Variants in PCDH15 observed in about 807,000 individuals in gnomAD.
PCDH15 encodes protocadherin related 15, also known as protocadherin-15.
Under a neutral mutation model 178.5 loss-of-function variants are expected in PCDH15, and 129 were observed. That is an observed-to-expected ratio of 0.72 (90% CI 0.63 to 0.84). The LOEUF (loss-of-function observed/expected upper bound fraction) is 0.84, where lower values mean the gene tolerates loss of function less well. PCDH15 is among the 40% of genes least tolerant of loss of function. The pLI is 0.00. For synonymous variants in PCDH15, 800 were observed against 732.0 expected, an observed-to-expected ratio of 1.09 and a Z score of -1.50; for missense variants, 2,230 against 2,099.9, an observed-to-expected ratio of 1.06 and a Z score of -1.21.
At chr10:54,320,575 T>C (rs1224752288) in intron 7 of PCDH15, among the ~76,000 whole-genome samples, 1 of 85,832 alleles carries the variant, frequency 1.2e-5, no homozygotes, top group Non-Finnish European at 2.9e-5. Flanking sequence ...CGTATGTGTA[T>C]ATTTTAAATT....
intron 14 of PCDH15, among the ~76,000 whole-genome samples, chr10:54,150,399 G>C (rs2044406324): frequency 6.6e-6 from 1 of 151,798 alleles, no homozygotes; most frequent in Non-Finnish European, 1.5e-5. Context: ...TGAGTTATCT[G>C]ACAAGTTTGA....
intron 3 of PCDH15, among the ~76,000 whole-genome samples, chr10:54,834,188 T>C (rs1427665341): frequency 6.6e-6 from 1 of 151,844 alleles, no homozygotes; most frequent in East Asian, 1.9e-4. Flanking sequence ...ATATTGTTTT[T>C]ACTACCTTTT....
At chr10:54,977,844 A>G (rs1442527650) in intron 2 of PCDH15, among the ~76,000 whole-genome samples, 2 of 152,204 alleles carry the variant, frequency 1.3e-5, no homozygotes, top group Non-Finnish European at 2.9e-5. Context: ...TGTATTTATC[A>G]TAAAGATATT....
In PCDH15 at chr10:53,995,686, G is replaced by C. The variant is rs770193187; in HGVS notation, c.2831C>G (p.Pro944Arg). The part of the protein sequence containing the change: ...MVAPDAVKGT[P>R]ITTVYAEDAD... Reference sequence around the variant, plus strand: ...ATCTTCAGCATAAACTGTTGTGATAGGTGTACCCTTGACTGCATCCGGAGC... The same window carrying C: ...ATCTTCAGCATAAACTGTTGTGATACGTGTACCCTTGACTGCATCCGGAGC... The change falls in exon 21 of 38, where the codon CCT becomes CGT. Residue 944 changes from proline (P) to arginine (R), a missense_variant. Physicochemically the swap from Pro to Arg is moderately radical, Grantham distance 103. Transcript: ENST00000644397. The C allele has an allele frequency of 7.4e-6, 12 of 1,613,776 alleles. No homozygotes were observed. The highest frequency in any genetic ancestry group is 9.3e-6 in the Non-Finnish European group (11 of 1,179,838).
At chr10:53,814,235 A>C (rs1486767049) in intron 35 of PCDH15, among the ~76,000 whole-genome samples, 1 of 152,190 alleles carries the variant, frequency 6.6e-6, no homozygotes, top group East Asian at 1.9e-4. Flanking sequence ...AGATACTGAG[A>C]AAATAACTTC....
At chr10:54,613,954 T>G (rs1468571358) in intron 2 of PCDH15, among the ~76,000 whole-genome samples, 2 of 151,924 alleles carry the variant, frequency 1.3e-5, no homozygotes, top group African/African-American at 4.8e-5. Flanking sequence ...AAATTTAAAA[T>G]TATATAGTTT....
chr10:55,071,494 CA>C (rs1564770597), intron 2 of PCDH15, among the ~76,000 whole-genome samples: 1 of 151,998 alleles, frequency 6.6e-6, no homozygotes, highest in African/African-American at 2.4e-5. Flanking sequence ...TAAAAAGAGA[CA>C]AAGAAGGCCA....
intron 3 of PCDH15, among the ~76,000 whole-genome samples, chr10:54,485,402 C>T (rs2079033440): frequency 1.3e-5 from 2 of 151,786 alleles, no homozygotes; most frequent in South Asian, 4.2e-4. Flanking sequence ...CAAAGTAAGG[C>T]CAAAGTTGGA....
intron 2 of PCDH15, among the ~76,000 whole-genome samples, chr10:55,024,314 A>AATAT (rs4007191): frequency 2.1e-4 from 30 of 141,930 alleles, no homozygotes; most frequent in East Asian, 8.1e-4. Context: ...TATGGGATGG[A>AATAT]ATATATATAT....
intron 8 of PCDH15, among the ~76,000 whole-genome samples, chr10:54,315,061 G>T (rs1415550757): frequency 1.3e-5 from 2 of 152,148 alleles, no homozygotes; most frequent in African/African-American, 4.8e-5. Flanking sequence ...CCAGTAATAG[G>T]ACTGCTGGAT....
rs565175697 is a variant in PCDH15 at position 55,570,924 on chromosome 10, G to A, written c.-156+56701C>T. Among the ~76,000 whole-genome samples, 4 of 152,100 alleles carry A rather than the reference G, an allele frequency of 2.6e-5. No individual in the cohort carries two copies. In the East Asian group the frequency reaches 7.7e-4, roughly 29 times the overall value. ...ATCATTACTTTTAGTTGTTCCCCATGTTAAAACTTTTTTAAGGCCACTATC... is the reference window on the plus strand; with the variant it reads ...ATCATTACTTTTAGTTGTTCCCCATATTAAAACTTTTTTAAGGCCACTATC... On this transcript the variant is annotated intron_variant, in intron 2 of 5. Coordinates refer to the PCDH15 transcript ENST00000613346.
chr10:55,609,942 C>T (rs561771286), intron 2 of PCDH15, among the ~76,000 whole-genome samples: 1 of 152,058 alleles, frequency 6.6e-6, no homozygotes, highest in South Asian at 2.1e-4. Context: ...TAATAAGGAG[C>T]AAACTGTCAT....
At chr10:54,609,654 A>G (rs781011017) in intron 2 of PCDH15, among the ~76,000 whole-genome samples, 12 of 152,000 alleles carry the variant, frequency 7.9e-5, no homozygotes, top group Non-Finnish European at 1.6e-4. Flanking sequence ...CAGGCTATTA[A>G]CATCCAGAAA....
chr10:53,886,877 G>C (rs994919363), intron 26 of PCDH15, among the ~76,000 whole-genome samples: 3 of 152,094 alleles, frequency 2.0e-5, no homozygotes, highest in Non-Finnish European at 4.4e-5. Flanking sequence ...CCTTTTCTAA[G>C]ATGCAGGCTG....
intron 21 of PCDH15, among the ~76,000 whole-genome samples, chr10:53,989,046 G>T (rs539106957): frequency 1.1e-4 from 17 of 152,248 alleles, no homozygotes; most frequent in Admixed American, 3.3e-4. Context: ...AGCTGGATTG[G>T]TTACAGCTCA....
chr10:54,184,118 GTATGTTATACTT>G (rs1266473322), intron 12 of PCDH15, among the ~76,000 whole-genome samples: 1 of 152,044 alleles, frequency 6.6e-6, no homozygotes, highest in Non-Finnish European at 1.5e-5. Context: ...TGTTGATAAT[GTATGTTATACTT>G]TATCAATGTT....
chr10:55,043,193 A>G (rs1840911680), intron 2 of PCDH15, among the ~76,000 whole-genome samples: 1 of 152,036 alleles, frequency 6.6e-6, no homozygotes, highest in South Asian at 2.1e-4. Flanking sequence ...GGAATATTGC[A>G]TGGAAGCCAA....
chr10:54,979,834 G>A (rs1385379766), intron 2 of PCDH15, among the ~76,000 whole-genome samples: 1 of 152,016 alleles, frequency 6.6e-6, no homozygotes, highest in East Asian at 1.9e-4. Context: ...TACAATATGT[G>A]TAACATATTG....
intron 1 of PCDH15, among the ~76,000 whole-genome samples, chr10:54,700,196 G>A (rs1358250050): frequency 6.6e-6 from 1 of 152,140 alleles, no homozygotes; most frequent in African/African-American, 2.4e-5. Flanking sequence ...AATCAAAGAA[G>A]ATAAAAGCAA....
Sources: gnomAD v4.1 joint callset for allele counts (sites outside exome capture counted in the v4.1 genomes callset) on GRCh38, gnomAD v4.1.1 for gene constraint, MANE v1.5 for transcripts, NCBI Gene and HGNC (gene_info 2026-07-23, HGNC 2026-07-21) for gene names.